The following NPHS1 variants were observed in gnomAD, a reference collection of about 807,000 sequenced individuals.
NPHS1 encodes NPHS1 adhesion molecule, nephrin.
NPHS1 carries 107 observed loss-of-function variants against 139.7 expected under a neutral mutation model. The ratio of observed to expected loss-of-function variants is 0.77; its 90% CI spans 0.66 to 0.90. The LOEUF is 0.90. Among genes scored for constraint, NPHS1 ranks in the 40% least tolerant of loss-of-function variants. The pLI is 0.00. For synonymous variants in NPHS1, 707 were observed against 706.6 expected (o/e 1.00, Z -0.01); for missense variants, 1,580 against 1,654.2 (o/e 0.96, Z 0.78).
chr19:35,828,255 T>G (rs1599833950), intron 28 of NPHS1, among the ~76,000 whole-genome samples: 1 of 152,190 alleles, frequency 6.6e-6, no homozygotes, highest in East Asian at 1.9e-4. Context: ...ATGGTTTTTA[T>G]TTTTTTCTTT....
rs34920536 is a variant in NPHS1 at position 35,847,344 on chromosome 19, C to CTTT, written c.1440+694_1440+696dup. ...ACAGGCGTGAGCCACTGTGCCCAGCCTTTTTTTTTTTTTTTTTTTTTTTTT... is the reference window on the plus strand; with the variant it reads ...ACAGGCGTGAGCCACTGTGCCCAGCCTTTTTTTTTTTTTTTTTTTTTTTTTTTT... On this transcript the variant is annotated intron_variant, in intron 11 of 28. Coordinates refer to ENST00000378910, the MANE Select transcript of NPHS1 (RefSeq NM_004646.4). Among the ~76,000 whole-genome samples, 381 of 59,880 alleles carry CTTT rather than the reference C, an allele frequency of 6.4e-3. 73 individuals carry two copies. Among genetic ancestry groups the CTTT allele is most frequent in the East Asian group, 9.7e-3 (20 of 2,064 alleles). The allele number at this position is 59,880 out of a possible 152,430, so 39.3% of individuals were successfully genotyped here. A position where few individuals can be genotyped will look rare whatever the true frequency, so the allele number is the denominator to read the frequency against.
chr19:35,845,248 C>A lies in NPHS1; in HGVS notation c.1930+120G>T, dbSNP rs1378240592. 4 of 1,187,330 alleles carry A rather than the reference C, an allele frequency of 3.4e-6. No individual in the cohort carries two copies. The highest frequency in any genetic ancestry group is 1.5e-5 in the African/African-American group (1 of 64,554). The allele number at this position is 1,187,330 out of a possible 1,614,324, so 73.5% of individuals were successfully genotyped here. On this transcript the variant is annotated intron_variant, in intron 14 of 28. Coordinates refer to ENST00000378910, the MANE Select transcript of NPHS1 (RefSeq NM_004646.4). This position sits in a 1 kb window ranked among gnomAD's most constrained non-coding sequence, Gnocchi z 5.5. ...TTGCGTCACTGCATTGCAGCCTGAG[C>A]GACAAAAAATGAAAGAGAGAGAGAG...
At chr19:35,847,448 G>A (rs555190937) in intron 11 of NPHS1, among the ~76,000 whole-genome samples, 9 of 138,724 alleles carry the variant, frequency 6.5e-5, no homozygotes, top group East Asian at 4.6e-4. Context: ...TGGGCCTCCC[G>A]GATTCAAGCA....
In NPHS1 at chr19:35,848,306, C is replaced by T; in HGVS notation, c.1262G>A (p.Ser421Asn). Reference sequence around the variant, plus strand: ...GAAGGTCTCCTTGGTGAAGGCTTCACTGAAGGCCTCACATGTGAGGGTCAG... The same window carrying T: ...GAAGGTCTCCTTGGTGAAGGCTTCATTGAAGGCCTCACATGTGAGGGTCAG... ...NGLTLTCEAF[S>N]EAFTKETFKK... The change falls in exon 10 of 29, where the codon AGT becomes AAT. Residue 421 changes from serine (S) to asparagine (N), a missense_variant. Transcript: ENST00000378910. 3 of 1,614,140 alleles carry T rather than the reference C, an allele frequency of 1.9e-6. No homozygotes were observed. Among genetic ancestry groups the T allele is most frequent in the Non-Finnish European group, 2.5e-6 (3 of 1,180,012 alleles).
At chr19:35,839,712 A>C in intron 20 of NPHS1, 105 bp from the exon 21 acceptor site, 128 of 877,624 alleles carry the variant, frequency 1.5e-4, no homozygotes, top group Non-Finnish European at 2.1e-4. Context: ...ATCGCTTCTC[A>C]TTGTTCATAG....
rs386833887 is a variant in NPHS1, at chr19:35,845,725, G to A, written c.1701C>T (p.Cys567=). 8 of 1,613,990 alleles carry A rather than the reference G, an allele frequency of 5.0e-6. No homozygotes were observed. The highest frequency in any genetic ancestry group is 5.1e-6 in the Non-Finnish European group (6 of 1,179,988). Residue 567 remains cysteine, a synonymous_variant, in exon 13 of 29, where the codon TGC becomes TGT. Transcript: ENST00000378910. This position sits in a 1 kb window ranked among gnomAD's most constrained non-coding sequence, Gnocchi z 5.5. The part of the protein sequence containing the change: ...LRPGDALNLT[C]VSVSSNPPVN... Reference sequence around the variant, plus strand: ...CCGGCGGATTGCTGCTGACGCTGACGCATGTCAAGTTTAAGGCGTCTCCCG... The same window carrying A: ...CCGGCGGATTGCTGCTGACGCTGACACATGTCAAGTTTAAGGCGTCTCCCG...
In NPHS1 at chr19:35,841,756, G is replaced by T; in HGVS notation, c.2774C>A (p.Ala925Asp). 2 of 1,614,172 alleles carry T rather than the reference G, an allele frequency of 1.2e-6. No individual in the cohort carries two copies. The highest frequency in any genetic ancestry group is 8.5e-7 in the Non-Finnish European group (1 of 1,180,052). ...AATGTTGGTTTGGTCCGAGCCAAGG[G>T]CGTTGGTGGCTGTACATGTGAAGAG... ...YALFTCTATN[A>D]LGSDQTNIQL... The change falls in exon 20 of 29, where the codon GCC becomes GAC. Residue 925 changes from alanine to aspartate, a missense_variant. Physicochemically the swap from Ala to Asp is moderately radical, Grantham distance 126. Transcript: ENST00000378910.
Position 35,851,905 on chromosome 19 carries a change from T to G in NPHS1, c.-68A>C. 7.2e-7 allele frequency: 1 copy of G among 1,385,046 alleles called. No homozygotes were observed. Among genetic ancestry groups the G allele is most frequent in the Non-Finnish European group, 1.0e-6 (1 of 996,832 alleles). 85.8% of individuals were successfully genotyped at this position (1,385,046 alleles called of 1,614,324 possible). On this transcript the variant is annotated 5_prime_UTR_variant, in exon 1 of 29. Coordinates refer to ENST00000378910, the MANE Select transcript of NPHS1 (RefSeq NM_004646.4). ...CCACCTGCGTCTGTCTGGCTTTCTC[T>G]GGGTCCCTCTCTGTGTGTCTCTGCC...
chr19:35,851,714 T>C, intron 1 of NPHS1, 42 bp from the exon 2 acceptor site: 3 of 1,581,614 alleles, frequency 1.9e-6, no homozygotes, highest in Non-Finnish European at 2.6e-6. Context: ...AGAGGGTTTG[T>C]CTAGGGAAGG....
chr19:35,844,960 A>G (rs1437398637), intron 14 of NPHS1, among the ~76,000 whole-genome samples: 1 of 152,160 alleles, frequency 6.6e-6, no homozygotes, highest in African/African-American at 2.4e-5. Flanking sequence ...TGCCATCTCT[A>G]TTTAAAATTA....
intron 22 of NPHS1, among the ~76,000 whole-genome samples, chr19:35,836,194 C>T (rs1049144237): frequency 4.1e-5 from 6 of 145,996 alleles, no homozygotes; most frequent in African/African-American, 2.5e-5. Context: ...CTCCTGACCT[C>T]GTGATTCGCC....
At chr19:35,833,246 G>T (rs896910272) in intron 23 of NPHS1, among the ~76,000 whole-genome samples, 1 of 151,986 alleles carries the variant, frequency 6.6e-6, no homozygotes, top group Non-Finnish European at 1.5e-5. Context: ...AGGCTGACTT[G>T]GCTGCTATAT....
At chr19:35,850,854 A>T in intron 4 of NPHS1, 107 bp downstream of exon 4, 1 of 1,413,204 alleles carries the variant, frequency 7.1e-7, no homozygotes, top group African/African-American at 1.4e-5. Context: ...CATCCCAGGG[A>T]TGACATCTTT....
intron 26 of NPHS1, 38 bp downstream of exon 26, chr19:35,831,258 G>A (rs772976123): frequency 2.5e-6 from 4 of 1,610,714 alleles, no homozygotes; most frequent in African/African-American, 1.3e-5. Flanking sequence ...CGCCGTCGGT[G>A]CCCTGATTGT....
At chr19:35,833,840 G>A (rs1372698471) in intron 23 of NPHS1, among the ~76,000 whole-genome samples, 1 of 152,090 alleles carries the variant, frequency 6.6e-6, no homozygotes, top group Non-Finnish European at 1.5e-5. Context: ...GGGACTGCAG[G>A]CATGCACTGC....
Position 35,839,551 on chromosome 19 carries a change from C to G in NPHS1, c.2872G>C (p.Gly958Arg). 1.2e-6 allele frequency: 2 copies of G among 1,614,184 alleles called. No individual in the cohort carries two copies. The highest frequency in any genetic ancestry group is 8.5e-7 in the Non-Finnish European group (1 of 1,180,036). ...TCAAAGCCAGGCTTCCACTCCAGCC[C>G]CACGGAGTGTGGGGTCAGACTCACA... is the stretch of plus-strand genomic sequence containing the variant. The part of the protein sequence containing the change: ...KVVSLTPHSV[G>R]LEWKPGFDGG... The change falls in exon 21 of 29, where the codon GGG (glycine) becomes CGG (arginine). Residue 958 changes from glycine to arginine, a missense_variant. Coordinates refer to ENST00000378910, the MANE Select transcript of NPHS1 (RefSeq NM_004646.4).
At chr19:35,846,295 C>T (rs1973141153) in intron 11 of NPHS1, 101 bp from the exon 12 acceptor site, 1 of 1,277,202 alleles carries the variant, frequency 7.8e-7, no homozygotes, top group Non-Finnish European at 1.1e-6. Flanking sequence ...CCAGCCCAAA[C>T]AAAGCCTTTT....
chr19:35,843,967 C>A, intron 16 of NPHS1, 136 bp downstream of exon 16: 3 of 1,262,072 alleles, frequency 2.4e-6, no homozygotes, highest in Non-Finnish European at 3.3e-6. Flanking sequence ...GGTTACACCG[C>A]GGCTGGGACT....
Position 35,848,359 on chromosome 19 carries a change from T to C in NPHS1, c.1209A>G (p.Thr403=). The C allele has an allele frequency of 6.2e-7, 1 of 1,614,110 alleles. No individual in the cohort carries two copies. The highest frequency in any genetic ancestry group is 8.5e-7 in the Non-Finnish European group (1 of 1,179,996). ...HGGHISMSNL[T]FLARREDNGL... ...CGTTGTCCTCCCGCCGCGCCAGGAA[T>C]GTCAGGTTGGACATGGAGATGTGAC... Residue 403 remains threonine (T), a synonymous_variant, in exon 10 of 29, where the codon ACA becomes ACG. Coordinates refer to ENST00000378910, the MANE Select transcript of NPHS1 (RefSeq NM_004646.4).
Sources: allele counts gnomAD v4.1 joint callset (sites outside exome capture counted in the v4.1 genomes callset), GRCh38; gene constraint gnomAD v4.1.1; non-coding constraint Gnocchi (gnomAD v3.1); transcripts MANE v1.5; gene names NCBI Gene and HGNC (gene_info 2026-07-23, HGNC 2026-07-21).